The following RANBP2 variants were observed in gnomAD, a reference collection of about 807,000 sequenced individuals.
RANBP2 encodes the protein E3 SUMO-protein ligase RanBP2.
A neutral mutation model predicts 303.6 loss-of-function variants in RANBP2; 57 were observed. The observed-to-expected ratio is 0.19, with a 90% CI of 0.15 to 0.23. The LOEUF (loss-of-function observed/expected upper bound fraction) is 0.23, where lower values mean the gene tolerates loss of function less well. Ranked by LOEUF, RANBP2 falls within the 10% of genes least tolerant of loss-of-function variation. RANBP2 has a pLI of 1.00. For missense variants in RANBP2, 3,138 were observed against 3,780.8 expected, an observed-to-expected ratio of 0.83 and a Z score of 4.46; for synonymous variants, 1,167 against 1,301.5, an observed-to-expected ratio of 0.90 and a Z score of 2.23.
At chr2:109,114,417 C>T in the RANBP2 span, among the ~76,000 whole-genome samples, 454 of 152,212 alleles carry the variant, frequency 3.0e-3, no homozygotes, top group Non-Finnish European at 3.3e-3. Context: ...AGTTTATTTG[C>T]CTAGAGGTGT....
chr2:108,788,223 A>C, downstream of RANBP2: 1 of 781,790 alleles, frequency 1.3e-6, no homozygotes, highest in African/African-American at 1.8e-5. Flanking sequence ...GTTCGAGACC[A>C]CTCAGGCCAA....
At chr2:109,732,834 C>T in the RANBP2 span, 1 of 1,296,504 alleles carries the variant, frequency 7.7e-7, no homozygotes, top group Non-Finnish European at 1.1e-6. Flanking sequence ...AGAAACCCTC[C>T]TGGCTTTGCT....
chr2:109,175,136 A>C, the RANBP2 span, among the ~76,000 whole-genome samples: 1 of 152,144 alleles, frequency 6.6e-6, no homozygotes, highest in Non-Finnish European at 1.5e-5. Context: ...TATCAGTCCC[A>C]CTAAACCGGG....
At chr2:109,344,723 G>A in the RANBP2 span, among the ~76,000 whole-genome samples, 3 of 152,300 alleles carry the variant, frequency 2.0e-5, no homozygotes, top group African/African-American at 7.2e-5. Context: ...GGAGTTGGCA[G>A]GAGGAGTGCC....
the RANBP2 span, among the ~76,000 whole-genome samples, chr2:109,130,661 G>A: frequency 6.6e-6 from 1 of 152,174 alleles, no homozygotes; most frequent in African/African-American, 2.4e-5. Flanking sequence ...GAGGCCCCAG[G>A]AGCCTTTTGA....
the RANBP2 span, among the ~76,000 whole-genome samples, chr2:109,046,951 C>T: frequency 6.6e-6 from 1 of 152,148 alleles, no homozygotes; most frequent in Non-Finnish European, 1.5e-5. Context: ...CACCAGTCCT[C>T]TTGGTTCTGT....
chr2:109,652,804 C>T, the RANBP2 span, among the ~76,000 whole-genome samples: 1 of 152,180 alleles, frequency 6.6e-6, no homozygotes, highest in African/African-American at 2.4e-5. Flanking sequence ...TTTGCTCTGA[C>T]TGGTAGAACA....
chr2:109,298,115 GAGGTGAAT>G, the RANBP2 span, among the ~76,000 whole-genome samples: 1 of 152,210 alleles, frequency 6.6e-6, no homozygotes, highest in Non-Finnish European at 1.5e-5. Flanking sequence ...GGGGGATGCA[GAGGTGAAT>G]AGGGCATTGT....
chr2:109,662,350 G>A, the RANBP2 span, among the ~76,000 whole-genome samples: 3 of 152,098 alleles, frequency 2.0e-5, no homozygotes, highest in South Asian at 2.1e-4. Context: ...GCAGTGGCGC[G>A]ATCTTGGCTC....
chr2:108,839,338 T>C, the RANBP2 span: 2 of 1,532,924 alleles, frequency 1.3e-6, no homozygotes, highest in Non-Finnish European at 8.9e-7. Flanking sequence ...TAAGTAATAC[T>C]CCACCTAATA....
chr2:109,365,944 A>G, the RANBP2 span, among the ~76,000 whole-genome samples: 2 of 152,364 alleles, frequency 1.3e-5, no homozygotes, highest in Middle Eastern at 3.4e-3. Flanking sequence ...GGAAATATAC[A>G]TGTCATTTAG....
At chr2:109,219,814 T>A in the RANBP2 span, among the ~76,000 whole-genome samples, 1 of 152,222 alleles carries the variant, frequency 6.6e-6, no homozygotes. Context: ...TGTTCATGGA[T>A]TGGAAGACTT....
the RANBP2 span, among the ~76,000 whole-genome samples, chr2:108,934,128 A>G: frequency 6.6e-6 from 1 of 152,226 alleles, no homozygotes; most frequent in Non-Finnish European, 1.5e-5. Flanking sequence ...AAACGTTCCC[A>G]GGTAAACCCA....
At chr2:108,800,574 C>T in the RANBP2 span, among the ~76,000 whole-genome samples, 732 of 148,894 alleles carry the variant, frequency 4.9e-3, 4 homozygotes, top group South Asian at 0.02. Context: ...TTTTTTCTCA[C>T]CTCCTCTGGG....
the RANBP2 span, among the ~76,000 whole-genome samples, chr2:108,873,867 G>C: frequency 6.6e-6 from 1 of 152,100 alleles, no homozygotes; most frequent in South Asian, 2.1e-4. Context: ...GGACAAGCTT[G>C]ATTTAGACCT....
the RANBP2 span, among the ~76,000 whole-genome samples, chr2:108,877,684 A>C: frequency 1.6e-4 from 25 of 152,192 alleles, no homozygotes; most frequent in Admixed American, 2.6e-4. Context: ...CTCTGAAGAA[A>C]AGAACAGAAC....
At chr2:108,849,215 C>G in the RANBP2 span, among the ~76,000 whole-genome samples, 3 of 152,168 alleles carry the variant, frequency 2.0e-5, no homozygotes, top group Non-Finnish European at 4.4e-5. Flanking sequence ...AACAGAACAT[C>G]AGTGAGTTTT....
At chr2:109,602,831 A>C in the RANBP2 span, among the ~76,000 whole-genome samples, 1 of 151,336 alleles carries the variant, frequency 6.6e-6, no homozygotes, top group Admixed American at 6.6e-5. Flanking sequence ...GCTGAAGAAA[A>C]GGGGAAGGAA....
At position 108,766,138 on chromosome 2, in the gene RANBP2, GAAA is replaced by G. The variant is rs1677102229; in HGVS notation, c.5601_5603del (p.Glu1867_Asn1868delinsAsp). ...ATTCAAATTTGGGCATGTGGATCAA[GAAA>G]ATTCACCTTCATTTATGTTTCAGGG... On this transcript the variant is annotated inframe_deletion, in exon 20 of 29. Coordinates refer to ENST00000283195, the MANE Select transcript of RANBP2 (RefSeq NM_006267.5). 6.2e-7 allele frequency: 1 copy of G among 1,613,486 alleles called. No individual in the cohort carries two copies. Among genetic ancestry groups the G allele is most frequent in the Non-Finnish European group, 8.5e-7 (1 of 1,180,016 alleles).
Sources: gnomAD v4.1 joint callset for allele counts (sites outside exome capture counted in the v4.1 genomes callset) on GRCh38, gnomAD v4.1.1 for gene constraint, MANE v1.5 for transcripts, NCBI Gene and HGNC (gene_info 2026-07-23, HGNC 2026-07-21) for gene names.